ALDH3A1: variants seen among roughly 807,000 people sequenced by gnomAD.
ALDH3A1 encodes aldehyde dehydrogenase 3 family member A1.
ALDH3A1 carries 46 observed loss-of-function variants against 49.9 expected under a neutral mutation model. The ratio of observed to expected loss-of-function variants is 0.92; its 90% CI spans 0.73 to 1.18. ALDH3A1 has a LOEUF of 1.18. Ranked by LOEUF, ALDH3A1 falls within the 50% of genes most tolerant of loss-of-function variation. The pLI is 0.00. For synonymous variants in ALDH3A1, 269 were observed against 253.3 expected (o/e 1.06, Z -0.59); for missense variants, 592 against 611.8 (o/e 0.97, Z 0.34).
intron 1 of ALDH3A1, 146 bp from the exon 2 acceptor site, chr17:19,745,280 C>A: frequency 1.2e-6 from 1 of 838,142 alleles, no homozygotes. Flanking sequence ...TTCTGCCTCG[C>A]CTCCTCTCCC....
rs1424218059 is a variant in ALDH3A1, at chr17:19,743,356, C to T, written c.270G>A (p.Thr90=). 3.7e-6 allele frequency: 6 copies of T among 1,614,008 alleles called. No individual in the cohort carries two copies. Among genetic ancestry groups the T allele is most frequent in the South Asian group, 1.1e-5 (1 of 91,084 alleles). ...AGAGCTCGTCCTGCTGAGTCTGGGG[C>T]GTCTTCTCCACGGGCTCATCCGCGG... The part of the protein sequence containing the change: ...EWAADEPVEK[T]PQTQQDELYI... The change falls in exon 3 of 11, where the codon ACG becomes ACA. Residue 90 remains threonine, a synonymous_variant. Transcript: ENST00000225740. The surrounding 1 kb of genome is among the most constrained non-coding windows in gnomAD (Gnocchi z 4.4).
In ALDH3A1 at chr17:19,743,275, G is replaced by T; in HGVS notation, c.351C>A (p.Pro117=). 6.2e-7 allele frequency: 1 copy of T among 1,614,102 alleles called. No homozygotes were observed. Among genetic ancestry groups the T allele is most frequent in the Non-Finnish European group, 8.5e-7 (1 of 1,180,012 alleles). Residue 117 remains proline (P), a synonymous_variant, in exon 3 of 11, where the codon CCC becomes CCA. Transcript: ENST00000225740. The surrounding 1 kb of genome is among the most constrained non-coding windows in gnomAD (Gnocchi z 4.4). ...VVLVIGTWNY[P]FNLTIQPMVG... ...CCATGGGCTGGATGGTGAGGTTGAA[G>T]GGGTAGTTCCAGGTGCCAATGACGA...
At chr17:19,747,458 C>G (rs1300348955) in intron 1 of ALDH3A1, among the ~76,000 whole-genome samples, 1 of 152,220 alleles carries the variant, frequency 6.6e-6, no homozygotes, top group Non-Finnish European at 1.5e-5. Context: ...TACGGTCAAA[C>G]CAAGGCAGGC....
intron 5 of ALDH3A1, 33 bp from the exon 6 acceptor site, chr17:19,741,243 AG>A: frequency 6.3e-7 from 1 of 1,589,706 alleles, no homozygotes; most frequent in Non-Finnish European, 8.6e-7. Flanking sequence ...TAAATCCAAA[AG>A]GTTCCCCAGG....
In ALDH3A1 at chr17:19,748,266, A is replaced by T. The variant is rs761244242; in HGVS notation, c.-13T>A. ...TGCAGGGAAGAGGATTACCTTTGAC[A>T]CAGCCTCTCCCGGTAACTGGGGCTC... On this transcript the variant is annotated 5_prime_UTR_variant, in exon 1 of 11. Transcript: ENST00000225740. This position sits in a 1 kb window ranked among gnomAD's most constrained non-coding sequence, Gnocchi z 4.4. 1.6e-5 allele frequency: 8 copies of T among 508,452 alleles called. No individual in the cohort carries two copies. Among genetic ancestry groups the T allele is most frequent in the Middle Eastern group, 6.4e-4 (2 of 3,130 alleles). The allele number at this position is 508,452 out of a possible 1,614,324, so 31.5% of individuals were successfully genotyped here.
In ALDH3A1 at chr17:19,743,021, C is replaced by T; in HGVS notation, c.394+211G>A. On this transcript the variant is annotated intron_variant, in intron 3 of 10. Transcript: ENST00000225740. The surrounding 1 kb of genome is among the most constrained non-coding windows in gnomAD (Gnocchi z 4.4). ...AGGGGTGGGGGAAGGCAGGCCCTCTCTGTATCACCAGGTGTGGACACCTGA... is the reference window on the plus strand; with the variant it reads ...AGGGGTGGGGGAAGGCAGGCCCTCTTTGTATCACCAGGTGTGGACACCTGA... 1 of 1,532,208 alleles carries T rather than the reference C, an allele frequency of 6.5e-7. No individual in the cohort carries two copies. 94.9% of individuals were successfully genotyped at this position (1,532,208 alleles called of 1,614,324 possible).
rs923788217 is a variant in ALDH3A1, at chr17:19,741,109, A to T, written c.791T>A (p.Leu264His). 2 of 1,613,756 alleles carry T rather than the reference A, an allele frequency of 1.2e-6. No individual in the cohort carries two copies. The highest frequency in any genetic ancestry group is 2.7e-5 in the African/African-American group (2 of 74,898). Residue 264 changes from leucine (L) to histidine (H), a missense_variant, in exon 6 of 11, where the codon CTC (leucine) becomes CAC (histidine). Physicochemically the swap from Leu to His is moderately conservative, Grantham distance 99. Transcript: ENST00000225740. The stretch of plus-strand genomic sequence containing the variant: ...AACACTCACTTTCAGTGACTTCTTG[A>T]GCTTCTCCACAATTTGGTTCTGGAT... ...PSIQNQIVEKLKKSLKEFYGE... is the reference protein window; with the variant it reads ...PSIQNQIVEKHKKSLKEFYGE...
intron 5 of ALDH3A1, among the ~76,000 whole-genome samples, chr17:19,741,529 T>A (rs1200840883): frequency 6.6e-6 from 1 of 152,156 alleles, no homozygotes; most frequent in Non-Finnish European, 1.5e-5. Context: ...GGGCCACAGA[T>A]GTGGGATATG....
chr17:19,743,790 TGGGAATGGATCCGGGGAGGG>T lies in ALDH3A1; in HGVS notation c.163-347_163-328del. On this transcript the variant is annotated intron_variant, in intron 2 of 10. Transcript: ENST00000225740. The surrounding 1 kb of genome is among the most constrained non-coding windows in gnomAD (Gnocchi z 4.4). The stretch of plus-strand genomic sequence containing the variant: ...GGCAGGGGAGAGTAGATTCAGGCAG[TGGGAATGGATCCGGGGAGGG>T]GGGGATGGATCCGGGGAGGGGGGAT... The T allele has an allele frequency of 1.3e-6, 1 of 780,100 alleles. No individual in the cohort carries two copies. The highest frequency in any genetic ancestry group is 1.4e-6 in the Non-Finnish European group (1 of 699,682). 48.3% of individuals were successfully genotyped at this position (780,100 alleles called of 1,614,324 possible).
At chr17:19,744,916 C>CCCCCCCCCCCCCCCA in intron 2 of ALDH3A1, 52 bp downstream of exon 2, 6 of 1,345,112 alleles carry the variant, frequency 4.5e-6, no homozygotes, top group Non-Finnish European at 5.8e-6. Flanking sequence ...TCCCCCCACG[C>CCCCCCCCCCCCCCCA]CCCATCGCAT....
At position 19,739,637 on chromosome 17, in the gene ALDH3A1, C is replaced by T. The variant is rs149563628; in HGVS notation, c.987G>A (p.Pro329=). Residue 329 remains proline (P), a synonymous_variant, in exon 8 of 11, where the codon CCG becomes CCA. Coordinates refer to ENST00000225740, the MANE Select transcript of ALDH3A1 (RefSeq NM_000691.5). ...GCCCGAAGATCTCCTCTTGCATCAC[C>T]GGGGACTGGGGGTCCACGTCCGTGA... ...TILTDVDPQS[P]VMQEEIFGPV... is the part of the protein sequence containing the mutation. 3.5e-5 allele frequency: 57 copies of T among 1,613,802 alleles called. No homozygotes were observed. Among genetic ancestry groups the T allele is most frequent in the Middle Eastern group, 1.6e-4 (1 of 6,082 alleles).
chr17:19,742,307 C>T, intron 4 of ALDH3A1, 95 bp from the exon 5 acceptor site: 2 of 1,391,100 alleles, frequency 1.4e-6, no homozygotes, highest in Non-Finnish European at 2.0e-6. Context: ...GACCAGCAGC[C>T]CCGAAGCTCA....
chr17:19,747,348 G>T (rs2086614003), intron 1 of ALDH3A1, among the ~76,000 whole-genome samples: 1 of 152,102 alleles, frequency 6.6e-6, no homozygotes, highest in Non-Finnish European at 1.5e-5. Flanking sequence ...ATAGGAGGCT[G>T]GGAAAGCCCC....
chr17:19,746,543 A>AAAAG (rs147101721), intron 1 of ALDH3A1, among the ~76,000 whole-genome samples: 2,255 of 152,132 alleles, frequency 0.015, 60 homozygotes, highest in African/African-American at 0.051. Context: ...TAAAAAAAGA[A>AAAAG]AAAGAAAGAA....
In ALDH3A1 at chr17:19,741,088, C is replaced by T. The variant is rs754593409; in HGVS notation, c.807+5G>A. The T allele has an allele frequency of 8.1e-6, 13 of 1,611,572 alleles. No homozygotes were observed. The highest frequency in any genetic ancestry group is 8.5e-6 in the Non-Finnish European group (10 of 1,177,764). The stretch of plus-strand genomic sequence containing the variant: ...ATCCCACCCTGCCAAGGGGTCAACA[C>T]TCACTTTCAGTGACTTCTTGAGCTT... On this transcript the variant is annotated splice_donor_5th_base_variant and intron_variant, in intron 6 of 10. Transcript: ENST00000225740.
chr17:19,739,684 G>A lies in ALDH3A1; in HGVS notation c.950-10C>T. 1 of 1,613,278 alleles carries A rather than the reference G, an allele frequency of 6.2e-7. No homozygotes were observed. Among genetic ancestry groups the A allele is most frequent in the South Asian group, 1.1e-5 (1 of 90,924 alleles). On this transcript the variant is annotated splice_polypyrimidine_tract_variant and intron_variant, in intron 7 of 10. Coordinates refer to ENST00000225740, the MANE Select transcript of ALDH3A1 (RefSeq NM_000691.5). ...GTGAGGATGGTGGGGGCTGAGGCAG[G>A]AAACAAGCCAGAGTTGGACGGCGCA...
intron 6 of ALDH3A1, 93 bp from the exon 7 acceptor site, chr17:19,740,570 G>C: frequency 1.4e-6 from 2 of 1,447,498 alleles, no homozygotes; most frequent in South Asian, 2.5e-5. Context: ...TCTGTCTTTG[G>C]GTGGTGGGAT....
At chr17:19,745,963 GACTCCTGTCAC>G in intron 1 of ALDH3A1, among the ~76,000 whole-genome samples, 1 of 152,224 alleles carries the variant, frequency 6.6e-6, no homozygotes, top group East Asian at 1.9e-4. Context: ...CAGTTTAAAT[GACTCCTGTCAC>G]ACCCACGTAA....
In ALDH3A1 at chr17:19,742,224, G is replaced by T. The variant is rs776555342; in HGVS notation, c.481-12C>A. 6.2e-7 allele frequency: 1 copy of T among 1,612,830 alleles called. No individual in the cohort carries two copies. Among genetic ancestry groups the T allele is most frequent in the East Asian group, 2.2e-5 (1 of 44,868 alleles). The stretch of plus-strand genomic sequence containing the variant: ...ACTGGGTACAGATCCTTCCATGCAA[G>T]GAGAGAGGGGAGGCTCAGCAAAGAC... On this transcript the variant is annotated splice_polypyrimidine_tract_variant and intron_variant, in intron 4 of 10. Coordinates refer to ENST00000225740, the MANE Select transcript of ALDH3A1 (RefSeq NM_000691.5).
Sources: allele counts gnomAD v4.1 joint callset (sites outside exome capture counted in the v4.1 genomes callset), GRCh38; gene constraint gnomAD v4.1.1; non-coding constraint Gnocchi (gnomAD v3.1); transcripts MANE v1.5; gene names NCBI Gene and HGNC (gene_info 2026-07-23, HGNC 2026-07-21).